The following ELAPOR1 variants were observed in gnomAD, a reference collection of about 807,000 sequenced individuals.
The protein encoded by ELAPOR1 is endosome/lysosome-associated apoptosis and autophagy regulator 1.
A neutral mutation model predicts 119.7 loss-of-function variants in ELAPOR1; 77 were observed. The observed-to-expected ratio is 0.64, with a 90% CI of 0.54 to 0.78. ELAPOR1 has a LOEUF of 0.78. Among genes scored for constraint, ELAPOR1 ranks in the 30% least tolerant of loss-of-function variants. The probability of loss-of-function intolerance (pLI) is 0.00; values close to 1 mark genes in which losing one functional copy is unlikely to be tolerated. For synonymous variants in ELAPOR1, 481 were observed against 487.2 expected, an observed-to-expected ratio of 0.99 and a Z score of 0.17; for missense variants, 1,115 against 1,270.4, an observed-to-expected ratio of 0.88 and a Z score of 1.86.
At chr1:109,156,554 T>A (rs1359130348) in intron 1 of ELAPOR1, among the ~76,000 whole-genome samples, 1 of 152,258 alleles carries the variant, frequency 6.6e-6, no homozygotes, top group Non-Finnish European at 1.5e-5. Context: ...GACTACTATG[T>A]ACCTTGTATA....
At chr1:109,183,305 A>G (rs1652813042) in intron 7 of ELAPOR1, among the ~76,000 whole-genome samples, 1 of 142,822 alleles carries the variant, frequency 7.0e-6, no homozygotes, top group African/African-American at 2.6e-5. Context: ...AGCTTGGGCA[A>G]CATAGCGAGA....
chr1:109,172,860 C>T (rs1229968645), intron 5 of ELAPOR1, among the ~76,000 whole-genome samples: 7 of 151,882 alleles, frequency 4.6e-5, no homozygotes, highest in South Asian at 4.2e-4. Flanking sequence ...TTTGGGAGGT[C>T]GAGGCAGGTG....
chr1:109,194,508 A>G lies in ELAPOR1; in HGVS notation c.2035A>G (p.Thr679Ala), dbSNP rs756008920. ...CTACAACTTCTCCGCTTTGGCAAAC[A>G]CTGTCACTCTTGCTGGAGGGCCAAG... ...FNYNFSALAN[T>A]VTLAGGPSFT... The change falls in exon 15 of 22, where the codon ACT becomes GCT. Residue 679 changes from threonine to alanine, a missense_variant. Physicochemically the swap from Thr to Ala is moderately conservative, Grantham distance 58. Coordinates refer to ENST00000369939, the MANE Select transcript of ELAPOR1 (RefSeq NM_020775.5). 1.2e-6 allele frequency: 2 copies of G among 1,613,818 alleles called. No individual in the cohort carries two copies. The highest frequency in any genetic ancestry group is 1.7e-5 in the Admixed American group (1 of 60,018).
intron 7 of ELAPOR1, among the ~76,000 whole-genome samples, chr1:109,176,569 C>T (rs1488181947): frequency 6.6e-6 from 1 of 151,454 alleles, no homozygotes; most frequent in Non-Finnish European, 1.5e-5. Context: ...TTTACCTACA[C>T]AGATCTTGCC....
rs2101108460 is a variant in ELAPOR1 at position 109,189,803 on chromosome 1, A to C, written c.1439+121A>C. On this transcript the variant is annotated intron_variant, in intron 11 of 21. Coordinates refer to ENST00000369939, the MANE Select transcript of ELAPOR1 (RefSeq NM_020775.5). Reference sequence around the variant, plus strand: ...TGTGTTTCATTTCATTTCAAATGTCAGTTGAGAACAGAGGGTACAGTTTGA... The same window carrying C: ...TGTGTTTCATTTCATTTCAAATGTCCGTTGAGAACAGAGGGTACAGTTTGA... 1.2e-5 allele frequency: 9 copies of C among 741,518 alleles called. 1 individual carries two copies. In the South Asian group the frequency reaches 1.4e-4, roughly 12 times the overall value. 45.9% of individuals were successfully genotyped at this position (741,518 alleles called of 1,614,324 possible).
chr1:109,171,887 C>T lies in ELAPOR1; in HGVS notation c.489C>T (p.Gly163=), dbSNP rs200376856. ...ACAGGTCCAAGTGGGTTCCCCGGGG[C>T]GACTACATCGCCTCCAACACGGACG... ...NCTSSKWVPR[G]DYIASNTDEC... The change falls in exon 4 of 22, where the codon GGC becomes GGT. Residue 163 remains glycine, a synonymous_variant. Coordinates refer to ENST00000369939, the MANE Select transcript of ELAPOR1 (RefSeq NM_020775.5). The T allele has an allele frequency of 1.4e-5, 22 of 1,614,200 alleles. No homozygotes were observed. Among genetic ancestry groups the T allele is most frequent in the Middle Eastern group, 3.3e-4 (2 of 6,062 alleles).
At chr1:109,124,232 T>A (rs1648632194) in intron 1 of ELAPOR1, among the ~76,000 whole-genome samples, 1 of 152,202 alleles carries the variant, frequency 6.6e-6, no homozygotes, top group Non-Finnish European at 1.5e-5. Flanking sequence ...ATCATTTTTC[T>A]CTTTAAGAGA....
intron 3 of ELAPOR1, among the ~76,000 whole-genome samples, chr1:109,168,287 T>A (rs774285702): frequency 2.6e-5 from 4 of 152,224 alleles, no homozygotes; most frequent in Admixed American, 6.5e-5. Context: ...ATGGCACTTA[T>A]CACAGTCATT....
chr1:109,177,259 A>C (rs1465171475), intron 7 of ELAPOR1, among the ~76,000 whole-genome samples: 1 of 141,794 alleles, frequency 7.1e-6, no homozygotes, highest in Non-Finnish European at 1.5e-5. Context: ...TCCCTCCCGG[A>C]CGGGGCGGCT....
intron 1 of ELAPOR1, among the ~76,000 whole-genome samples, chr1:109,155,669 AT>A (rs1175632496): frequency 6.6e-6 from 1 of 152,232 alleles, no homozygotes; most frequent in Non-Finnish European, 1.5e-5. Context: ...AGCACTTAAT[AT>A]TTATTTGCAC....
intron 3 of ELAPOR1, among the ~76,000 whole-genome samples, 189 bp from the exon 4 acceptor site, chr1:109,171,677 T>G (rs1570679684): frequency 6.6e-6 from 1 of 152,336 alleles, no homozygotes; most frequent in South Asian, 2.1e-4. Context: ...TTAGCTGTAC[T>G]CCAGGTCCTT....
intron 1 of ELAPOR1, among the ~76,000 whole-genome samples, chr1:109,152,941 G>T (rs1371596740): frequency 2.6e-5 from 3 of 114,962 alleles, no homozygotes; most frequent in Non-Finnish European, 5.3e-5. Flanking sequence ...GGTGGAGTTA[G>T]ACCCTGTCTC....
chr1:109,171,848 G>A lies in ELAPOR1; in HGVS notation c.468-18G>A. 6.2e-7 allele frequency: 1 copy of A among 1,613,810 alleles called. No homozygotes were observed. On this transcript the variant is annotated intron_variant, in intron 3 of 21. Transcript: ENST00000369939. ...GGCTGTGCTCCTGCCTGTGAACCTG[G>A]TTCCTGTTCCTTCACAGGTCCAAGT...
chr1:109,206,566 C>T lies in ELAPOR1; in HGVS notation c.*3554C>T, dbSNP rs1312014480. 1 of 151,948 alleles carries T rather than the reference C, an allele frequency of 6.6e-6. No homozygotes were observed. Among genetic ancestry groups the T allele is most frequent in the Non-Finnish European group, 1.5e-5 (1 of 67,958 alleles). The allele number at this position is 151,948 out of a possible 1,614,324, so 9.4% of individuals were successfully genotyped here. A position where few individuals can be genotyped will look rare whatever the true frequency, so the allele number is the denominator to read the frequency against. ...TGTTTTTGTTTTAGTGCCAACAAAACTTTTTTTTGTCTGACTACATTAAAG... is the reference window on the plus strand; with the variant it reads ...TGTTTTTGTTTTAGTGCCAACAAAATTTTTTTTTGTCTGACTACATTAAAG... On this transcript the variant is annotated 3_prime_UTR_variant, in exon 22 of 22. Transcript: ENST00000369939.
chr1:109,188,199 C>T lies in ELAPOR1; in HGVS notation c.1064C>T (p.Ala355Val). 2.5e-6 allele frequency: 4 copies of T among 1,611,254 alleles called. No individual in the cohort carries two copies. Among genetic ancestry groups the T allele is most frequent in the East Asian group, 4.5e-5 (2 of 44,810 alleles). Residue 355 changes from alanine (A) to valine (V), a missense_variant, in exon 9 of 22, where the codon GCC becomes GTC. Physicochemically the swap from Ala to Val is moderately conservative, Grantham distance 64. Transcript: ENST00000369939. ...CAGACACAACTCATGTACAAATGGG[C>T]CAAGCCGAAAATCTGTAGCGAGGAC... ...NGETQLMYKW[A>V]KPKICSEDLE... is the part of the protein sequence containing the mutation.
chr1:109,143,480 AT>A (rs1180670622), intron 1 of ELAPOR1, among the ~76,000 whole-genome samples: 1 of 152,212 alleles, frequency 6.6e-6, no homozygotes, highest in African/African-American at 2.4e-5. Flanking sequence ...GTGACTGCTG[AT>A]GAATATGAAA....
intron 9 of ELAPOR1, 142 bp from the exon 10 acceptor site, chr1:109,188,924 A>G: frequency 1.1e-6 from 1 of 877,132 alleles, no homozygotes; most frequent in Non-Finnish European, 1.8e-6. Flanking sequence ...AGTCAACTTG[A>G]TACAACTTCC....
chr1:109,178,085 C>T (rs1196796830), intron 7 of ELAPOR1, among the ~76,000 whole-genome samples: 1 of 150,674 alleles, frequency 6.6e-6, no homozygotes, highest in African/African-American at 2.5e-5. Flanking sequence ...TCTTGGCTCA[C>T]TGCAATCTCT....
In ELAPOR1 at chr1:109,188,301, C is replaced by A; in HGVS notation, c.1166C>A (p.Thr389Asn). 2 of 1,614,214 alleles carry A rather than the reference C, an allele frequency of 1.2e-6. No individual in the cohort carries two copies. Among genetic ancestry groups the A allele is most frequent in the Non-Finnish European group, 1.7e-6 (2 of 1,180,014 alleles). ...CCCTGCAACCCAGGCTTCTTCAAAA[C>A]CAACAACAGCACCTGCCAGCCCTGC... ...CPPCNPGFFKTNNSTCQPCPY... is the reference protein window; with the variant it reads ...CPPCNPGFFKNNNSTCQPCPY... Residue 389 changes from threonine to asparagine, a missense_variant, in exon 9 of 22, where the codon ACC becomes AAC. Coordinates refer to ENST00000369939, the MANE Select transcript of ELAPOR1 (RefSeq NM_020775.5).
Sources: gnomAD v4.1 joint callset for allele counts (sites outside exome capture counted in the v4.1 genomes callset) on GRCh38, gnomAD v4.1.1 for gene constraint, MANE v1.5 for transcripts, NCBI Gene and HGNC (gene_info 2026-07-23, HGNC 2026-07-21) for gene names.